Variants in VOPP1 observed in about 807,000 individuals in gnomAD.
The protein encoded by VOPP1 is WW domain binding protein VOPP1.
VOPP1 carries 8 observed loss-of-function variants against 23.5 expected under a neutral mutation model. The observed-to-expected ratio is 0.34, with a 90% confidence interval of 0.20 to 0.61. The LOEUF is 0.61. VOPP1 is among the 20% of genes least tolerant of loss of function. The pLI is 0.78. For missense variants in VOPP1, 174 were observed against 238.1 expected, an observed-to-expected ratio of 0.73 and a Z score of 1.77; for synonymous variants, 83 against 97.3, an observed-to-expected ratio of 0.85 and a Z score of 0.86.
intron 1 of VOPP1, among the ~76,000 whole-genome samples, chr7:55,569,843 C>A (rs1034469221): frequency 6.6e-6 from 1 of 152,112 alleles, no homozygotes; most frequent in Non-Finnish European, 1.5e-5. Flanking sequence ...GAAACCCCTG[C>A]GCATGTGAGA....
chr7:55,492,145 G>C, intron 4 of VOPP1, 137 bp downstream of exon 4: 1 of 1,239,182 alleles, frequency 8.1e-7, no homozygotes, highest in South Asian at 1.9e-5. Context: ...AATGGAGCTG[G>C]TCATCAGAAC....
At chr7:55,468,153 C>T (rs1791678669), downstream of VOPP1, among the ~76,000 whole-genome samples, 1 of 151,820 alleles carries the variant, frequency 6.6e-6, no homozygotes, top group Non-Finnish European at 1.5e-5. Context: ...TGCCTGTAGT[C>T]CCAGCTAGTC....
At chr7:55,435,145 G>A (rs1295522814), downstream of VOPP1, among the ~76,000 whole-genome samples, 3 of 152,214 alleles carry the variant, frequency 2.0e-5, no homozygotes, top group East Asian at 5.8e-4. Flanking sequence ...GATGTGTAAT[G>A]TGGATGGGAC....
intron 2 of VOPP1, among the ~76,000 whole-genome samples, chr7:55,510,350 C>T (rs975642103): frequency 6.6e-6 from 1 of 152,184 alleles, no homozygotes; most frequent in African/African-American, 2.4e-5. Context: ...TTGTCTCCTA[C>T]TAAATCACAA....
intron 1 of VOPP1, among the ~76,000 whole-genome samples, chr7:55,533,246 C>T (rs559499788): frequency 3.3e-5 from 5 of 152,222 alleles, no homozygotes; most frequent in African/African-American, 9.6e-5. Flanking sequence ...GGATGGAGGC[C>T]GGTCACTCAG....
At chr7:55,462,669 T>TC (rs1791532243) in intron 4 of VOPP1, among the ~76,000 whole-genome samples, 4 of 149,112 alleles carry the variant, frequency 2.7e-5, no homozygotes, top group Admixed American at 6.7e-5. Flanking sequence ...TTTTTTTTTT[T>TC]TTTTGAGACG....
intron 4 of VOPP1, among the ~76,000 whole-genome samples, chr7:55,461,863 T>C (rs1791509142): frequency 6.6e-6 from 1 of 152,232 alleles, no homozygotes; most frequent in African/African-American, 2.4e-5. Context: ...TCTTATTGGT[T>C]ATCATTGTGG....
rs1791910563 is a variant in VOPP1, at chr7:55,472,705, AGCCTG to A, written c.*145_*149del. 2 of 451,708 alleles carry A rather than the reference AGCCTG, an allele frequency of 4.4e-6. No individual in the cohort carries two copies. The highest frequency in any genetic ancestry group is 4.9e-5 in the African/African-American group (2 of 40,882). 28.0% of individuals were successfully genotyped at this position (451,708 alleles called of 1,614,324 possible). ...AGTTCATATATTGTACTCCATGGAAAGCCTGAAAGAGAGCTGTGCTTGCTGTGAGG... is the reference window on the plus strand; with the variant it reads ...AGTTCATATATTGTACTCCATGGAAAAAAGAGAGCTGTGCTTGCTGTGAGG... On this transcript the variant is annotated 3_prime_UTR_variant, in exon 5 of 5. Transcript: ENST00000285279.
intron 1 of VOPP1, among the ~76,000 whole-genome samples, chr7:55,542,293 T>C (rs1797166427): frequency 6.6e-6 from 1 of 152,210 alleles, no homozygotes; most frequent in South Asian, 2.1e-4. Context: ...TCCAGCTATT[T>C]TGAAATATAT....
intron 4 of VOPP1, among the ~76,000 whole-genome samples, chr7:55,474,320 A>AT (rs1792071937): frequency 6.6e-6 from 1 of 152,234 alleles, no homozygotes; most frequent in Non-Finnish European, 1.5e-5. Flanking sequence ...AAGGGCAGAG[A>AT]TTATGTTTTA....
At chr7:55,494,138 C>T (rs369957173) in intron 3 of VOPP1, among the ~76,000 whole-genome samples, 1 of 152,128 alleles carries the variant, frequency 6.6e-6, no homozygotes, top group Non-Finnish European at 1.5e-5. Context: ...AGACCCAAAC[C>T]GTTCAGGAGT....
At chr7:55,461,018 A>G (rs550311208) in intron 4 of VOPP1, among the ~76,000 whole-genome samples, 1 of 151,918 alleles carries the variant, frequency 6.6e-6, no homozygotes, top group South Asian at 2.1e-4. Flanking sequence ...TGTGTGTTTT[A>G]TATATATTAT....
At chr7:55,532,476 T>C (rs945290551) in intron 1 of VOPP1, among the ~76,000 whole-genome samples, 1 of 152,272 alleles carries the variant, frequency 6.6e-6, no homozygotes, top group Non-Finnish European at 1.5e-5. Flanking sequence ...TTGAGAATCA[T>C]GGTCAAGTAA....
chr7:55,506,719 G>A (rs180751476), intron 2 of VOPP1, among the ~76,000 whole-genome samples: 1,671 of 151,676 alleles, frequency 0.011, 11 homozygotes, highest in Middle Eastern at 0.021. Flanking sequence ...GTTCACTGCA[G>A]CCTCTGCCTC....
chr7:55,558,090 T>C (rs561870691), intron 1 of VOPP1, among the ~76,000 whole-genome samples: 1 of 152,248 alleles, frequency 6.6e-6, no homozygotes, highest in East Asian at 1.9e-4. Flanking sequence ...TGTCAAAAAG[T>C]ACAAAGTTTC....
chr7:55,471,829 C>T lies in VOPP1; in HGVS notation c.*1026G>A, dbSNP rs1328134058. 1 of 151,728 alleles carries T rather than the reference C, an allele frequency of 6.6e-6. No individual in the cohort carries two copies. The highest frequency in any genetic ancestry group is 1.5e-5 in the Non-Finnish European group (1 of 68,004). 9.4% of individuals were successfully genotyped at this position (151,728 alleles called of 1,614,324 possible). ...AGCACACACCCGCTTAGACCCAACACAACCTCAGAGAGAGACGCCTCAGCT... is the reference window on the plus strand; with the variant it reads ...AGCACACACCCGCTTAGACCCAACATAACCTCAGAGAGAGACGCCTCAGCT... On this transcript the variant is annotated 3_prime_UTR_variant, in exon 5 of 5. Coordinates refer to ENST00000285279, the MANE Select transcript of VOPP1 (RefSeq NM_030796.5).
chr7:55,458,906 G>A (rs1791432507), intron 4 of VOPP1, among the ~76,000 whole-genome samples: 1 of 152,044 alleles, frequency 6.6e-6, no homozygotes, highest in East Asian at 1.9e-4. Flanking sequence ...AGAACTTCTA[G>A]TGCTATGTTG....
At chr7:55,546,077 A>G (rs1797355073) in intron 1 of VOPP1, among the ~76,000 whole-genome samples, 2 of 152,224 alleles carry the variant, frequency 1.3e-5, no homozygotes, top group Non-Finnish European at 2.9e-5. Flanking sequence ...AATTAAAAAA[A>G]ATAAAATAAA....
At chr7:55,523,421 T>C (rs559837010) in intron 1 of VOPP1, among the ~76,000 whole-genome samples, 10 of 152,006 alleles carry the variant, frequency 6.6e-5, no homozygotes, top group African/African-American at 2.4e-4. Flanking sequence ...GGACAGAGTA[T>C]GTGAAAGTTG....
Sources: allele counts gnomAD v4.1 joint callset (sites outside exome capture counted in the v4.1 genomes callset), GRCh38; gene constraint gnomAD v4.1.1; transcripts MANE v1.5; gene names NCBI Gene and HGNC (gene_info 2026-07-23, HGNC 2026-07-21).